The following RYR2 variants were observed in gnomAD, a reference collection of about 807,000 sequenced individuals.
RYR2 encodes the protein ryanodine receptor 2.
RYR2 carries 227 observed loss-of-function variants against 601.1 expected under a neutral mutation model. The ratio of observed to expected loss-of-function variants is 0.38; its 90% CI spans 0.34 to 0.42. The LOEUF is 0.42. Ranked by LOEUF, RYR2 falls within the 10% of genes least tolerant of loss-of-function variation. RYR2 has a pLI of 1.00. For synonymous variants in RYR2, 2,223 were observed against 2,175.1 expected, an observed-to-expected ratio of 1.02 and a Z score of -0.61; for missense variants, 4,646 against 6,156.5, an observed-to-expected ratio of 0.75 and a Z score of 8.21.
chr1:237,792,039 T>C, intron 93 of RYR2, 66 bp from the exon 94 acceptor site: 1 of 1,153,800 alleles, frequency 8.7e-7, no homozygotes, highest in Non-Finnish European at 1.3e-6. Flanking sequence ...GTATTTCTTT[T>C]GTCTTTTGCT....
chr1:237,603,425 G>A (rs559529044), intron 35 of RYR2, among the ~76,000 whole-genome samples: 4 of 152,190 alleles, frequency 2.6e-5, no homozygotes, highest in Admixed American at 6.5e-5. Flanking sequence ...CCGTGAGGTG[G>A]CCCCAAGGGG....
chr1:237,390,339 C>A (rs946939830), intron 10 of RYR2, among the ~76,000 whole-genome samples: 1 of 152,118 alleles, frequency 6.6e-6, no homozygotes, highest in Non-Finnish European at 1.5e-5. Flanking sequence ...TCTGCTCTGC[C>A]ACTTACCAGT....
At chr1:237,246,660 T>G (rs1686879368) in intron 1 of RYR2, among the ~76,000 whole-genome samples, 1 of 152,216 alleles carries the variant, frequency 6.6e-6, no homozygotes. Flanking sequence ...CAATTTTGTT[T>G]ATGAAACATT....
rs372601642 is a variant in RYR2 at position 237,706,987 on chromosome 1, A to G, written c.9619A>G (p.Asn3207Asp). ...LPTNVEDVCP[N>D]IPSLEKLMEE... ...AACTAATGTGGAAGATGTTTGTCCA[A>G]ACATACCGTCTTTGGAGAAACTCAT... is the stretch of plus-strand genomic sequence containing the variant. Residue 3207 changes from asparagine (N) to aspartate (D), a missense_variant, in exon 68 of 105, where the codon AAC becomes GAC. Asn to Asp is a conservative substitution (Grantham distance 23). This residue lies in a region of RYR2 where 1,497 missense variants were observed against 1,842.6 expected (regional missense o/e 0.81). Coordinates refer to ENST00000366574, the MANE Select transcript of RYR2 (RefSeq NM_001035.3). 55 of 1,613,744 alleles carry G rather than the reference A, an allele frequency of 3.4e-5. No homozygotes were observed. Among genetic ancestry groups the G allele is most frequent in the Non-Finnish European group, 3.7e-5 (44 of 1,179,794 alleles).
chr1:237,527,619 C>A (rs151221980), intron 24 of RYR2, among the ~76,000 whole-genome samples: 2 of 152,136 alleles, frequency 1.3e-5, no homozygotes. Flanking sequence ...GAAATATTTG[C>A]CTCTTCATCT....
intron 10 of RYR2, among the ~76,000 whole-genome samples, chr1:237,413,150 C>T (rs1191824347): frequency 6.6e-6 from 1 of 152,146 alleles, no homozygotes. Context: ...ACGCTCTGCA[C>T]ATGCCGTGTA....
At chr1:237,220,141 G>A (rs557114460) in intron 1 of RYR2, among the ~76,000 whole-genome samples, 2 of 152,276 alleles carry the variant, frequency 1.3e-5, no homozygotes, top group African/African-American at 4.8e-5. Flanking sequence ...TGTCTGTGAG[G>A]GTGTTTCCAG....
At chr1:237,189,744 T>C (rs906294865) in intron 1 of RYR2, among the ~76,000 whole-genome samples, 2 of 152,222 alleles carry the variant, frequency 1.3e-5, no homozygotes, top group African/African-American at 2.4e-5. Flanking sequence ...ATGTGTGTTG[T>C]GTGTAAGCCG....
At chr1:237,417,266 C>T (rs1052376770) in intron 11 of RYR2, 143 bp downstream of exon 11, 11 of 636,448 alleles carry the variant, frequency 1.7e-5, no homozygotes, top group East Asian at 2.7e-5. Context: ...GACAGTTTCT[C>T]TTTTGTCTAT....
intron 27 of RYR2, among the ~76,000 whole-genome samples, chr1:237,560,717 T>C (rs1671364288): frequency 6.6e-6 from 1 of 152,246 alleles, no homozygotes. Context: ...TTTTTGCCAG[T>C]GTTCTCATTA....
intron 1 of RYR2, among the ~76,000 whole-genome samples, chr1:237,221,436 C>T (rs1182607469): frequency 2.6e-5 from 4 of 152,086 alleles, no homozygotes; most frequent in African/African-American, 9.7e-5. Context: ...ATTTATTTAA[C>T]TGTGTTTTGG....
chr1:237,546,993 A>ATATATATATATATATTTATT (rs746133377), intron 25 of RYR2, among the ~76,000 whole-genome samples: 54 of 127,394 alleles, frequency 4.2e-4, no homozygotes, highest in Admixed American at 8.5e-4. Flanking sequence ...ATATATATAT[A>ATATATATATATATATTTATT]TATTTATTTA....
At chr1:237,231,212 G>A (rs1684964145) in intron 1 of RYR2, among the ~76,000 whole-genome samples, 1 of 152,132 alleles carries the variant, frequency 6.6e-6, no homozygotes, top group Non-Finnish European at 1.5e-5. Flanking sequence ...AGAGTGAGGG[G>A]AGGAAGTGGG....
chr1:237,339,826 G>A (rs1697599495), intron 3 of RYR2, among the ~76,000 whole-genome samples: 1 of 152,136 alleles, frequency 6.6e-6, no homozygotes, highest in African/African-American at 2.4e-5. Context: ...ACAAAAAGGA[G>A]CTGACTTTCT....
chr1:237,629,677 C>T (rs551272457), intron 41 of RYR2, among the ~76,000 whole-genome samples: 16 of 151,598 alleles, frequency 1.1e-4, no homozygotes, highest in Non-Finnish European at 8.8e-5. Context: ...TTGAAAAAAA[C>T]GAATAAAATG....
chr1:237,445,086 G>A (rs1044819494), intron 13 of RYR2, among the ~76,000 whole-genome samples: 2 of 152,094 alleles, frequency 1.3e-5, no homozygotes, highest in Admixed American at 1.3e-4. Flanking sequence ...GGTGATGGGG[G>A]CTTGTAATTC....
intron 1 of RYR2, among the ~76,000 whole-genome samples, chr1:237,101,328 CACAA>C (rs1668084487): frequency 6.9e-6 from 1 of 144,748 alleles, no homozygotes; most frequent in African/African-American, 2.5e-5. Flanking sequence ...AAAAAAACCT[CACAA>C]ACAAGATGTT....
intron 1 of RYR2, among the ~76,000 whole-genome samples, chr1:237,102,129 G>A (rs1164751626): frequency 2.0e-5 from 3 of 152,106 alleles, no homozygotes; most frequent in African/African-American, 4.8e-5. Context: ...TGAAGGCTTC[G>A]TGGTAGACTG....
chr1:237,172,133 G>C (rs774060614), intron 1 of RYR2, among the ~76,000 whole-genome samples: 2 of 152,208 alleles, frequency 1.3e-5, no homozygotes, highest in Non-Finnish European at 2.9e-5. Flanking sequence ...TTAAATCATG[G>C]TTTAATTCTT....
Sources: allele counts gnomAD v4.1 joint callset (sites outside exome capture counted in the v4.1 genomes callset), GRCh38; gene constraint gnomAD v4.1.1; regional missense constraint gnomAD v4.1.1; transcripts MANE v1.5; gene names NCBI Gene and HGNC (gene_info 2026-07-23, HGNC 2026-07-21).